Variants in MCAM observed in about 807,000 individuals in gnomAD.
MCAM encodes the protein cell surface glycoprotein MUC18.
A neutral mutation model predicts 79.1 loss-of-function variants in MCAM; 55 were observed. The observed-to-expected ratio is 0.70, with a 90% confidence interval of 0.56 to 0.87. The LOEUF (loss-of-function observed/expected upper bound fraction) is 0.87. MCAM is among the 40% of genes least tolerant of loss of function. MCAM has a pLI of 0.00. For synonymous variants in MCAM, 330 were observed against 339.8 expected (o/e 0.97, Z 0.32); for missense variants, 745 against 839.8 (o/e 0.89, Z 1.40).
chr11:119,314,979 G>C lies in MCAM; in HGVS notation c.254C>G (p.Pro85Arg), dbSNP rs1173695301. The C allele has an allele frequency of 1.2e-6, 2 of 1,611,108 alleles. No homozygotes were observed. The highest frequency in any genetic ancestry group is 8.5e-7 in the Non-Finnish European group (1 of 1,179,992). Residue 85 changes from proline to arginine, a missense_variant, in exon 3 of 16, where the codon CCT becomes CGT. By Grantham distance (103) the Pro-to-Arg change is moderately radical. Transcript: ENST00000264036. The part of the protein sequence containing the change: ...RVRQGQGQSE[P>R]GEYEQRLSLQ... ...GCTGAGCCGCTGCTCGTACTCCCCAGGTTCGCTCTGGCCCTGGCCCTGGCG... is the reference window on the plus strand; with the variant it reads ...GCTGAGCCGCTGCTCGTACTCCCCACGTTCGCTCTGGCCCTGGCCCTGGCG...
chr11:119,315,204 T>C lies in MCAM; in HGVS notation c.127A>G (p.Thr43Ala). 2 of 1,613,062 alleles carry C rather than the reference T, an allele frequency of 1.2e-6. No individual in the cohort carries two copies. Among genetic ancestry groups the C allele is most frequent in the South Asian group, 1.1e-5 (1 of 91,078 alleles). Reference sequence around the variant, plus strand: ...GAGAGGCCGCACTTCAGAAGGGCTGTGCTGCCCACTTCCACCTCCACCAGC... The same window carrying C: ...GAGAGGCCGCACTTCAGAAGGGCTGCGCTGCCCACTTCCACCTCCACCAGC... ...PELVEVEVGS[T>A]ALLKCGLSQS... is the part of the protein sequence containing the mutation. The change falls in exon 2 of 16, where the codon ACA (threonine) becomes GCA (alanine). Residue 43 changes from threonine to alanine, a missense_variant. By Grantham distance (58) the Thr-to-Ala change is moderately conservative. Transcript: ENST00000264036. The surrounding 1 kb of genome is among the most constrained non-coding windows in gnomAD (Gnocchi z 4.4).
Position 119,315,850 on chromosome 11 carries a change from C to T in MCAM, c.68-587G>A, listed in dbSNP as rs2135347476. ...GGTAAGGATGGAGAGGTCAGAGTCT[C>T]CCCCAGGGGTCAGGGCAAGGGCCAG... On this transcript the variant is annotated intron_variant, in intron 1 of 15. Coordinates refer to ENST00000264036, the MANE Select transcript of MCAM (RefSeq NM_006500.3). The surrounding 1 kb of genome is among the most constrained non-coding windows in gnomAD (Gnocchi z 4.4). 6.3e-6 allele frequency: 1 copy of T among 158,898 alleles called. No individual in the cohort carries two copies. The highest frequency in any genetic ancestry group is 2.4e-5 in the African/African-American group (1 of 41,704). The allele number at this position is 158,898 out of a possible 1,614,324, so 9.8% of individuals were successfully genotyped here. A position where few individuals can be genotyped will look rare whatever the true frequency, so the allele number is the denominator to read the frequency against.
rs1013388885 is a variant in MCAM, at chr11:119,316,849, C to T, written c.67+186G>A. On this transcript the variant is annotated intron_variant, in intron 1 of 15. Transcript: ENST00000264036. The surrounding 1 kb of genome is among the most constrained non-coding windows in gnomAD (Gnocchi z 4.8). The stretch of plus-strand genomic sequence containing the variant: ...GCTGCTCCCGGGATACTCTAGAATC[C>T]CGGCTGCAAACTGGCTGCAAAGAAG... 6 of 549,034 alleles carry T rather than the reference C, an allele frequency of 1.1e-5. No homozygotes were observed. Among genetic ancestry groups the T allele is most frequent in the African/African-American group, 1.0e-4 (5 of 49,140 alleles). 34.0% of individuals were successfully genotyped at this position (549,034 alleles called of 1,614,324 possible).
Position 119,315,317 on chromosome 11 carries a change from C to T in MCAM, c.68-54G>A. 1 of 1,563,728 alleles carries T rather than the reference C, an allele frequency of 6.4e-7. No homozygotes were observed. The highest frequency in any genetic ancestry group is 8.6e-7 in the Non-Finnish European group (1 of 1,159,216). On this transcript the variant is annotated intron_variant, in intron 1 of 15. Coordinates refer to ENST00000264036, the MANE Select transcript of MCAM (RefSeq NM_006500.3). The surrounding 1 kb of genome is among the most constrained non-coding windows in gnomAD (Gnocchi z 4.4). ...CTGTGTCAGCTCCGGCTGCTGTCCG[C>T]CCCTCCCCTCGCAGCGCTGCTGCAG...
rs1007234320 is a variant in MCAM at position 119,312,398 on chromosome 11, T to A, written c.892A>T (p.Thr298Ser). The A allele has an allele frequency of 3.7e-6, 6 of 1,614,016 alleles. No individual in the cohort carries two copies. The highest frequency in any genetic ancestry group is 5.1e-6 in the Non-Finnish European group (6 of 1,179,968). The change falls in exon 8 of 16, where the codon ACA becomes TCA. Residue 298 changes from threonine to serine, a missense_variant. Transcript: ENST00000264036. The surrounding 1 kb of genome is among the most constrained non-coding windows in gnomAD (Gnocchi z 4.9). ...ACCAGGACCCCGTTGTCGTTGGTTG[T>A]CTCTTCCTCTGCCTCCCTGGTGCTG... ...NPSTREAEEE[T>S]TNDNGVLVLE... is the part of the protein sequence containing the mutation.
Position 119,315,306 on chromosome 11 carries a change from G to T in MCAM, c.68-43C>A. 6.3e-7 allele frequency: 1 copy of T among 1,578,160 alleles called. No individual in the cohort carries two copies. The highest frequency in any genetic ancestry group is 8.6e-7 in the Non-Finnish European group (1 of 1,166,764). On this transcript the variant is annotated intron_variant, in intron 1 of 15. Coordinates refer to ENST00000264036, the MANE Select transcript of MCAM (RefSeq NM_006500.3). This position sits in a 1 kb window ranked among gnomAD's most constrained non-coding sequence, Gnocchi z 4.4. Reference sequence around the variant, plus strand: ...GGCCCCCGCAGCTGTGTCAGCTCCGGCTGCTGTCCGCCCCTCCCCTCGCAG... The same window carrying T: ...GGCCCCCGCAGCTGTGTCAGCTCCGTCTGCTGTCCGCCCCTCCCCTCGCAG...
intron 15 of MCAM, chr11:119,310,129 G>A (rs1950208751): frequency 1.6e-6 from 1 of 625,178 alleles, no homozygotes; most frequent in Admixed American, 2.8e-5. Context: ...ACGGGCATTG[G>A]TCAGGAAAAG....
In MCAM at chr11:119,308,845, C is replaced by T. The variant is rs1041292758; in HGVS notation, c.*1041G>A. On this transcript the variant is annotated 3_prime_UTR_variant, in exon 16 of 16. Transcript: ENST00000264036. The stretch of plus-strand genomic sequence containing the variant: ...AGTGTAGACCTCATCTTTGTCTGCT[C>T]CCCGCTGCCTTTCAGTTTTACGTGA... 2 of 151,820 alleles carry T rather than the reference C, an allele frequency of 1.3e-5. 1 individual carries two copies. Among genetic ancestry groups the T allele is most frequent in the Admixed American group, 1.3e-4 (2 of 15,270 alleles). 9.4% of individuals were successfully genotyped at this position (151,820 alleles called of 1,614,324 possible). A position where few individuals can be genotyped will look rare whatever the true frequency, so the allele number is the denominator to read the frequency against.
rs1241581974 is a variant in MCAM at position 119,314,717 on chromosome 11, G to T, written c.433C>A (p.Pro145Thr). 2.5e-6 allele frequency: 4 copies of T among 1,613,824 alleles called. No individual in the cohort carries two copies. The highest frequency in any genetic ancestry group is 2.2e-5 in the East Asian group (1 of 44,884). ...TTACTGTTCACAGGGATGCCCAGGGGGTTGACCTGGATGTTTGGCTCCTCC... is the reference window on the plus strand; with the variant it reads ...TTACTGTTCACAGGGATGCCCAGGGTGTTGACCTGGATGTTTGGCTCCTCC... ...APEEPNIQVN[P>T]LGIPVNSKEP... Residue 145 changes from proline to threonine, a missense_variant, in exon 4 of 16, where the codon CCC (proline) becomes ACC (threonine). By Grantham distance (38) the Pro-to-Thr change is conservative (BLOSUM62 -1). Coordinates refer to ENST00000264036, the MANE Select transcript of MCAM (RefSeq NM_006500.3).
chr11:119,312,680 A>G lies in MCAM; in HGVS notation c.740-32T>C, dbSNP rs370058028. 1 of 1,613,986 alleles carries G rather than the reference A, an allele frequency of 6.2e-7. No individual in the cohort carries two copies. Among genetic ancestry groups the G allele is most frequent in the African/African-American group, 1.3e-5 (1 of 74,894 alleles). On this transcript the variant is annotated intron_variant, in intron 6 of 15. Transcript: ENST00000264036. This position sits in a 1 kb window ranked among gnomAD's most constrained non-coding sequence, Gnocchi z 4.9. The stretch of plus-strand genomic sequence containing the variant: ...AGGCAAAGGGGGTAGCTCTTGGCCC[A>G]TGAGTCAACCCTGGGCTGGATAAGG...
Position 119,311,064 on chromosome 11 carries a change from C to G in MCAM, c.1645+26G>C. On this transcript the variant is annotated intron_variant, in intron 13 of 15. Transcript: ENST00000264036. The surrounding 1 kb of genome is among the most constrained non-coding windows in gnomAD (Gnocchi z 4.4). Reference sequence around the variant, plus strand: ...GCAGAAAGGATGCCCTGGCACAGCCCTGTTCTCTTGCCAGGCCTGGCTTAC... The same window carrying G: ...GCAGAAAGGATGCCCTGGCACAGCCGTGTTCTCTTGCCAGGCCTGGCTTAC... 6.2e-7 allele frequency: 1 copy of G among 1,614,214 alleles called. No individual in the cohort carries two copies. Among genetic ancestry groups the G allele is most frequent in the Non-Finnish European group, 8.5e-7 (1 of 1,180,018 alleles).
chr11:119,313,381 T>G (rs1950263124), intron 5 of MCAM: 1 of 1,186,530 alleles, frequency 8.4e-7, no homozygotes, highest in East Asian at 5.8e-5. Flanking sequence ...CCAGGGTTTC[T>G]CAGCACTACT....
In MCAM at chr11:119,315,362, G is replaced by A. The variant is rs527281454; in HGVS notation, c.68-99C>T. 8 of 1,463,746 alleles carry A rather than the reference G, an allele frequency of 5.5e-6. No individual in the cohort carries two copies. The highest frequency in any genetic ancestry group is 1.4e-5 in the African/African-American group (1 of 71,922). The allele number at this position is 1,463,746 out of a possible 1,614,324, so 90.7% of individuals were successfully genotyped here. A position where few individuals can be genotyped will look rare whatever the true frequency, so the allele number is the denominator to read the frequency against. On this transcript the variant is annotated intron_variant, in intron 1 of 15. Coordinates refer to ENST00000264036, the MANE Select transcript of MCAM (RefSeq NM_006500.3). This position sits in a 1 kb window ranked among gnomAD's most constrained non-coding sequence, Gnocchi z 4.4. ...CTGCAGCTGTTTTTCCTGCCACTCA[G>A]AGGGTCTGCAGAGGGCCCTGTCCTC...
chr11:119,316,758 C>A lies in MCAM; in HGVS notation c.67+277G>T. On this transcript the variant is annotated intron_variant, in intron 1 of 15. Transcript: ENST00000264036. This position sits in a 1 kb window ranked among gnomAD's most constrained non-coding sequence, Gnocchi z 4.8. ...ACCTCAGGGACCACCCACCCCCCAG[C>A]ACCCCGAAAGGCTGAGCTCCACCCC... 2.2e-6 allele frequency: 1 copy of A among 456,394 alleles called. No individual in the cohort carries two copies. The allele number at this position is 456,394 out of a possible 1,614,324, so 28.3% of individuals were successfully genotyped here. A position where few individuals can be genotyped will look rare whatever the true frequency, so the allele number is the denominator to read the frequency against.
chr11:119,313,061 G>A (rs1339934645), intron 5 of MCAM, 112 bp from the exon 6 acceptor site: 1 of 1,565,826 alleles, frequency 6.4e-7, no homozygotes. Flanking sequence ...CCTGTCCCCT[G>A]TAGAAGGCCA....
rs117103201 is a variant in MCAM at position 119,309,578 on chromosome 11, T to C, written c.*308A>G. 3 of 437,614 alleles carry C rather than the reference T, an allele frequency of 6.9e-6. No individual in the cohort carries two copies. Among genetic ancestry groups the C allele is most frequent in the Non-Finnish European group, 1.2e-5 (3 of 241,164 alleles). 27.1% of individuals were successfully genotyped at this position (437,614 alleles called of 1,614,324 possible). ...GGCAGGAGCCAGGTATTTACAGCCA[T>C]AATGTGTGTAAAGAAAAAACACGTT... On this transcript the variant is annotated 3_prime_UTR_variant, in exon 16 of 16. Transcript: ENST00000264036.
Position 119,311,670 on chromosome 11 carries a change from GGT to G in MCAM, c.1286-21_1286-20del, listed in dbSNP as rs747383809. On this transcript the variant is annotated intron_variant, in intron 10 of 15. Transcript: ENST00000264036. The surrounding 1 kb of genome is among the most constrained non-coding windows in gnomAD (Gnocchi z 4.4). ...GGGGGGCCTTGGGGAGGTAGGGAGA[GGT>G]GAGGTGGCAAGCCCAGCTAGCCTGC... 2 of 1,613,716 alleles carry G rather than the reference GGT, an allele frequency of 1.2e-6. No homozygotes were observed. Among genetic ancestry groups the G allele is most frequent in the Non-Finnish European group, 1.7e-6 (2 of 1,179,774 alleles).
In MCAM at chr11:119,311,834, G is replaced by A; in HGVS notation, c.1259C>T (p.Thr420Ile). Residue 420 changes from threonine (T) to isoleucine (I), a missense_variant, in exon 10 of 16, where the codon ACA (threonine) becomes ATA (isoleucine). By Grantham distance (89) the Thr-to-Ile change is moderately conservative. Coordinates refer to ENST00000264036, the MANE Select transcript of MCAM (RefSeq NM_006500.3). This position sits in a 1 kb window ranked among gnomAD's most constrained non-coding sequence, Gnocchi z 4.4. ...SVPSIPGLNR[T>I]QLVNVAIFGP... Reference sequence around the variant, plus strand: ...AAAAATGGCCACGTTGACCAGCTGTGTGCGGTTCAGGCCGGGTATGCTGGG... The same window carrying A: ...AAAAATGGCCACGTTGACCAGCTGTATGCGGTTCAGGCCGGGTATGCTGGG... 1 of 1,614,164 alleles carries A rather than the reference G, an allele frequency of 6.2e-7. No homozygotes were observed. Among genetic ancestry groups the A allele is most frequent in the Non-Finnish European group, 8.5e-7 (1 of 1,180,028 alleles).
Position 119,310,997 on chromosome 11 carries a change from G to A in MCAM, c.1645+93C>T, listed in dbSNP as rs145282070. ...AGTCCAGGGCCGACAAGATGGGGCT[G>A]CTACTCACCTTTCTGGACAGGGCTC... On this transcript the variant is annotated intron_variant, in intron 13 of 15. Transcript: ENST00000264036. 12,394 of 1,613,744 alleles carry A rather than the reference G, an allele frequency of 7.7e-3. 67 individuals are homozygous for A. The highest frequency in any genetic ancestry group is 8.7e-3 in the Non-Finnish European group (10,218 of 1,179,688).
Sources: allele counts gnomAD v4.1 joint callset, GRCh38; gene constraint gnomAD v4.1.1; non-coding constraint Gnocchi (gnomAD v3.1); transcripts MANE v1.5; gene names NCBI Gene and HGNC (gene_info 2026-07-23, HGNC 2026-07-21).